The following ATE1 variants were observed in gnomAD, a reference collection of about 807,000 sequenced individuals.
ATE1 encodes arginyl-tRNA--protein transferase 1.
A neutral mutation model predicts 70.5 loss-of-function variants in ATE1; 36 were observed. The observed-to-expected ratio is 0.51, with a 90% CI of 0.39 to 0.67. ATE1 has a LOEUF of 0.67. Among genes scored for constraint, ATE1 ranks in the 30% least tolerant of loss-of-function variants. ATE1 has a pLI of 0.00. For synonymous variants in ATE1, 232 were observed against 219.3 expected, an observed-to-expected ratio of 1.06 and a Z score of -0.51; for missense variants, 593 against 629.5, an observed-to-expected ratio of 0.94 and a Z score of 0.62.
intron 10 of ATE1, among the ~76,000 whole-genome samples, chr10:121,791,691 GC>G (rs547826554): frequency 8.7e-4 from 132 of 152,152 alleles, no homozygotes; most frequent in African/African-American, 3.0e-3. Context: ...CTATATCACA[GC>G]CTAGTAAACA....
rs374044559 is a variant in ATE1, at chr10:121,794,661, TA to T, written c.1258-4373del. ...AGAAGAGAATACCAAGAATGTCTGG[TA>T]AAAAAAAAAAAAAAAAAAAGAACAT... On this transcript the variant is annotated intron_variant, in intron 10 of 11. Transcript: ENST00000224652. Among the ~76,000 whole-genome samples, 530 of 65,702 alleles carry T rather than the reference TA, an allele frequency of 8.1e-3. 4 individuals are homozygous for T. The highest frequency in any genetic ancestry group is 0.071 in the Middle Eastern group (5 of 70). The allele number at this position is 65,702 out of a possible 152,430, so 43.1% of individuals were successfully genotyped here. A position where few individuals can be genotyped will look rare whatever the true frequency, so the allele number is the denominator to read the frequency against.
rs568106266 is a variant in ATE1 at position 121,882,228 on chromosome 10, A to G, written c.943-12190T>C. ...TTTTTATTTGAATAGGCTGATTTTA[A>G]TATTAAAATGTAAAACATATGTTCT... On this transcript the variant is annotated intron_variant, in intron 7 of 11. Transcript: ENST00000224652. Among the ~76,000 whole-genome samples, 8 of 152,348 alleles carry G rather than the reference A, an allele frequency of 5.3e-5. No homozygotes were observed. The East Asian group carries it at 7.7e-4, about 15-fold the overall frequency.
intron 1 of ATE1, among the ~76,000 whole-genome samples, chr10:121,924,548 AAT>A (rs1422745382): frequency 6.6e-6 from 1 of 152,042 alleles, no homozygotes; most frequent in Non-Finnish European, 1.5e-5. Context: ...AAAATACAAA[AAT>A]TTAGCTGGGC....
intron 10 of ATE1, among the ~76,000 whole-genome samples, chr10:121,809,887 C>A (rs1477539776): frequency 2.7e-5 from 4 of 148,736 alleles, no homozygotes; most frequent in Non-Finnish European, 3.0e-5. Flanking sequence ...CCACAAAAAA[C>A]AAAACAAAAC....
chr10:121,871,214 G>A (rs976297811), intron 7 of ATE1, among the ~76,000 whole-genome samples: 4 of 152,172 alleles, frequency 2.6e-5, no homozygotes, highest in African/African-American at 7.2e-5. Flanking sequence ...CAGCACTTTC[G>A]GAGGCCGAGG....
rs190623993 is a variant in ATE1, at chr10:121,879,603, T to C, written c.943-9565A>G. ...CTCGTGAATTCAACGAATAAATGCA[T>C]CCATTCATTTGTGAATGGGAGTAAT... On this transcript the variant is annotated intron_variant, in intron 7 of 11. Coordinates refer to ENST00000224652, the MANE Select transcript of ATE1 (RefSeq NM_001001976.3). Among the ~76,000 whole-genome samples, 548 of 152,336 alleles carry C rather than the reference T, an allele frequency of 3.6e-3. 3 individuals carry two copies. Among genetic ancestry groups the C allele is most frequent in the Middle Eastern group, 0.02 (6 of 294 alleles).
chr10:121,886,108 T>C (rs1950388513), intron 7 of ATE1, among the ~76,000 whole-genome samples: 1 of 152,008 alleles, frequency 6.6e-6, no homozygotes, highest in Non-Finnish European at 1.5e-5. Context: ...CTTGGAGCAT[T>C]TTTGGATTTC....
At chr10:121,882,639 C>T (rs928378003) in intron 7 of ATE1, among the ~76,000 whole-genome samples, 4 of 152,196 alleles carry the variant, frequency 2.6e-5, no homozygotes, top group African/African-American at 9.7e-5. Context: ...ACTCAGCCTT[C>T]ATGTCAACAA....
At position 121,844,557 on chromosome 10, in the gene ATE1, A is replaced by C. The variant is rs553942579; in HGVS notation, c.976-3294T>G. Among the ~76,000 whole-genome samples, 50 of 152,324 alleles carry C rather than the reference A, an allele frequency of 3.3e-4. 1 individual carries two copies. The highest frequency in any genetic ancestry group is 2.9e-3 in the Admixed American group (44 of 15,302). The stretch of plus-strand genomic sequence containing the variant: ...TAAAATTAAAGATCTCAACATAAAA[A>C]AGAGCAATCACATTCCTAGGGATTC... On this transcript the variant is annotated intron_variant, in intron 8 of 11. Coordinates refer to ENST00000224652, the MANE Select transcript of ATE1 (RefSeq NM_001001976.3).
In ATE1 at chr10:121,910,929, T is replaced by C; in HGVS notation, c.560A>G (p.Lys187Arg). Residue 187 changes from lysine to arginine, a missense_variant, in exon 5 of 12, where the codon AAA becomes AGA. By Grantham distance (26) the Lys-to-Arg change is conservative (BLOSUM62 2). Around this residue, in one of 3 missense-constraint regions of ATE1, gnomAD observed 467 missense variants for 469.6 expected, o/e 0.99. Coordinates refer to ENST00000224652, the MANE Select transcript of ATE1 (RefSeq NM_001001976.3). The part of the protein sequence containing the change: ...LGSGEPSHSV[K>R]VHTVPKPGKG... ...ACCTGGCTTAGGAACTGTGTGAACT[T>C]TAACTGAATGTGACGGTTCACCAGA... The C allele has an allele frequency of 2.5e-6, 4 of 1,613,598 alleles. No homozygotes were observed. The highest frequency in any genetic ancestry group is 1.6e-4 in the Middle Eastern group (1 of 6,062).
chr10:121,928,203 G>C (rs1952184870), upstream of ATE1: 15 of 1,325,314 alleles, frequency 1.1e-5, no homozygotes, highest in South Asian at 2.7e-4. Flanking sequence ...GTGAGGCGGA[G>C]AGACAGAGCG....
chr10:121,837,179 C>T lies in ATE1; in HGVS notation c.1158-362G>A, dbSNP rs138756561. Among the ~76,000 whole-genome samples the T allele has an allele frequency of 3.2e-4, 49 of 152,290 alleles. No homozygotes were observed. In the East Asian group the frequency reaches 3.9e-3, roughly 12 times the overall value. The stretch of plus-strand genomic sequence containing the variant: ...TTAACAGGTTAAAAACAGTACAGCA[C>T]ATTTTAGAAAACTCAAAAGCCAATA... On this transcript the variant is annotated intron_variant, in intron 9 of 11. Transcript: ENST00000224652.
At chr10:121,898,801 A>G (rs760350640) in intron 7 of ATE1, 4 of 1,606,608 alleles carry the variant, frequency 2.5e-6, no homozygotes, top group Non-Finnish European at 2.6e-6. Context: ...ACTTCTTCCC[A>G]GACAACCTTA....
chr10:121,855,193 A>C (rs1949200953), intron 8 of ATE1, among the ~76,000 whole-genome samples: 1 of 152,200 alleles, frequency 6.6e-6, no homozygotes, highest in Non-Finnish European at 1.5e-5. Context: ...TTCACTTATT[A>C]AACTTTTGCT....
At chr10:121,811,763 C>T (rs1219349015) in intron 10 of ATE1, among the ~76,000 whole-genome samples, 1 of 152,074 alleles carries the variant, frequency 6.6e-6, no homozygotes, top group Non-Finnish European at 1.5e-5. Context: ...AATAAAACTA[C>T]TTAACTATGT....
At chr10:121,765,968 A>C (rs552816994) in intron 11 of ATE1, among the ~76,000 whole-genome samples, 2 of 152,322 alleles carry the variant, frequency 1.3e-5, no homozygotes, top group African/African-American at 4.8e-5. Flanking sequence ...TCAGAAGATC[A>C]GGAGTAGGAG....
At chr10:121,879,385 T>C (rs1204427685) in intron 7 of ATE1, among the ~76,000 whole-genome samples, 1 of 152,184 alleles carries the variant, frequency 6.6e-6, no homozygotes, top group Non-Finnish European at 1.5e-5. Context: ...TATCCCTCCA[T>C]GTATCTTGCT....
chr10:121,898,556 G>A (rs569304190), intron 7 of ATE1, among the ~76,000 whole-genome samples: 2 of 152,228 alleles, frequency 1.3e-5, no homozygotes, highest in East Asian at 3.9e-4. Context: ...GCACAGTCTG[G>A]CACACGATGG....
intron 11 of ATE1, among the ~76,000 whole-genome samples, chr10:121,750,608 G>C (rs575702559): frequency 1.4e-5 from 2 of 139,936 alleles, no homozygotes; most frequent in South Asian, 2.5e-4. Context: ...AGAATCTAGA[G>C]ATCAAAGCTT....
Sources: gnomAD v4.1 joint callset for allele counts (sites outside exome capture counted in the v4.1 genomes callset) on GRCh38, gnomAD v4.1.1 for gene constraint, gnomAD v4.1.1 regional missense constraint, MANE v1.5 for transcripts, NCBI Gene and HGNC (gene_info 2026-07-23, HGNC 2026-07-21) for gene names.